The following ATP2B2 variants were observed in gnomAD, a reference collection of about 807,000 sequenced individuals.
The protein encoded by ATP2B2 is ATPase plasma membrane Ca2+ transporting 2.
In ATP2B2, 15 loss-of-function variants were observed where a neutral mutation model predicts 120.0. The observed-to-expected ratio is 0.12, with a 90% confidence interval of 0.08 to 0.19. The LOEUF is 0.19. ATP2B2 is among the 10% of genes least tolerant of loss of function. ATP2B2 has a pLI of 1.00. For missense variants in ATP2B2, 1,045 were observed against 1,719.8 expected, an observed-to-expected ratio of 0.61 and a Z score of 6.94; for synonymous variants, 694 against 700.3, an observed-to-expected ratio of 0.99 and a Z score of 0.14.
chr3:10,417,752 T>A (rs1262616781), intron 2 of ATP2B2, among the ~76,000 whole-genome samples: 3 of 151,822 alleles, frequency 2.0e-5, no homozygotes, highest in African/African-American at 7.3e-5. Flanking sequence ...CTGGCAGAAG[T>A]GTAGTTGTAA....
chr3:10,624,540 C>A lies in ATP2B2; in HGVS notation c.-459-4579G>T, dbSNP rs1373796140. Among the ~76,000 whole-genome samples the A allele has an allele frequency of 4.1e-4, 62 of 152,160 alleles. 1 individual carries two copies. The highest frequency in any genetic ancestry group is 4.1e-3 in the Admixed American group (62 of 15,270). Reference sequence around the variant, plus strand: ...TCAGCGCCTGAAATGTCACTGTGTGCTCAATCAATGTTTTTGAACACAGGG... The same window carrying A: ...TCAGCGCCTGAAATGTCACTGTGTGATCAATCAATGTTTTTGAACACAGGG... On this transcript the variant is annotated intron_variant, in intron 1 of 21. Transcript: ENST00000646379.
At chr3:10,357,916 CT>C (rs1048428147) in intron 14 of ATP2B2, among the ~76,000 whole-genome samples, 4 of 152,218 alleles carry the variant, frequency 2.6e-5, no homozygotes, top group African/African-American at 9.6e-5. Context: ...CCATCCTCCC[CT>C]GACCCCGGCA....
At chr3:10,378,747 C>G (rs1026499311) in intron 9 of ATP2B2, among the ~76,000 whole-genome samples, 2 of 152,204 alleles carry the variant, frequency 1.3e-5, no homozygotes, top group Non-Finnish European at 2.9e-5. Flanking sequence ...TCAGACAAGA[C>G]AGACAGGCTT....
chr3:10,455,777 A>G (rs929629792), intron 1 of ATP2B2, among the ~76,000 whole-genome samples: 1 of 152,198 alleles, frequency 6.6e-6, no homozygotes, highest in African/African-American at 2.4e-5. Context: ...GACAAAGCCC[A>G]GTGAGAATCT....
chr3:10,644,299 G>T (rs1269180211), intron 1 of ATP2B2, among the ~76,000 whole-genome samples: 1 of 152,208 alleles, frequency 6.6e-6, no homozygotes, highest in Non-Finnish European at 1.5e-5. Context: ...TGGAACCCTT[G>T]TACGTTGTTG....
intron 2 of ATP2B2, among the ~76,000 whole-genome samples, chr3:10,442,312 G>A (rs962764949): frequency 6.6e-6 from 1 of 152,122 alleles, no homozygotes; most frequent in Non-Finnish European, 1.5e-5. Flanking sequence ...TCGCTCACGG[G>A]ACATGAAGAC....
At chr3:10,667,800 CA>C (rs1351861898) in intron 1 of ATP2B2, among the ~76,000 whole-genome samples, 3 of 152,134 alleles carry the variant, frequency 2.0e-5, no homozygotes, top group Non-Finnish European at 4.4e-5. Flanking sequence ...GACAGGCAGA[CA>C]CGAACTGGTG....
chr3:10,652,836 C>T (rs111403782), intron 1 of ATP2B2, among the ~76,000 whole-genome samples: 1,621 of 152,214 alleles, frequency 0.011, 28 homozygotes, highest in African/African-American at 0.036. Flanking sequence ...TGAAATAAGC[C>T]GGTCGCAAGA....
intron 5 of ATP2B2, among the ~76,000 whole-genome samples, chr3:10,389,695 A>G (rs1031755618): frequency 6.6e-6 from 1 of 152,234 alleles, no homozygotes; most frequent in African/African-American, 2.4e-5. Context: ...TGGTTGCACA[A>G]AAACGTGAAG....
intron 5 of ATP2B2, among the ~76,000 whole-genome samples, chr3:10,399,323 C>T (rs111673413): frequency 2.0e-5 from 3 of 152,170 alleles, no homozygotes; most frequent in Non-Finnish European, 2.9e-5. Context: ...AGTGAGACCC[C>T]GGGGGCTTTG....
intron 3 of ATP2B2, among the ~76,000 whole-genome samples, chr3:10,511,062 C>T (rs1185292334): frequency 6.6e-6 from 1 of 152,160 alleles, no homozygotes; most frequent in African/African-American, 2.4e-5. Context: ...CAGACTGCTC[C>T]CATTACCCTC....
chr3:10,424,845 C>T (rs1449455068), intron 2 of ATP2B2, among the ~76,000 whole-genome samples: 3 of 152,054 alleles, frequency 2.0e-5, no homozygotes, highest in Non-Finnish European at 1.5e-5. Flanking sequence ...CTCTACAAAA[C>T]AATAGTCTAT....
At chr3:10,595,064 C>A (rs1474448004) in intron 2 of ATP2B2, among the ~76,000 whole-genome samples, 2 of 152,364 alleles carry the variant, frequency 1.3e-5, no homozygotes, top group African/African-American at 2.4e-5. Flanking sequence ...GAGCCCCCAG[C>A]TGATCAGGAC....
At chr3:10,552,122 C>T (rs1575488572) in intron 2 of ATP2B2, among the ~76,000 whole-genome samples, 1 of 152,224 alleles carries the variant, frequency 6.6e-6, no homozygotes, top group Non-Finnish European at 1.5e-5. Flanking sequence ...AGCATTTCTG[C>T]AGCCGGAGAG....
chr3:10,590,650 T>C (rs527684261), intron 2 of ATP2B2, among the ~76,000 whole-genome samples: 1 of 152,336 alleles, frequency 6.6e-6, no homozygotes, highest in African/African-American at 2.4e-5. Context: ...CTGCTCTCAG[T>C]GGCCACCCAG....
chr3:10,451,183 G>C (rs2064032779), intron 1 of ATP2B2, among the ~76,000 whole-genome samples: 1 of 152,248 alleles, frequency 6.6e-6, no homozygotes, highest in African/African-American at 2.4e-5. Flanking sequence ...GTGCTGAGGA[G>C]TGCAGAAGGA....
chr3:10,669,950 A>T (rs1398428756), intron 1 of ATP2B2, among the ~76,000 whole-genome samples: 1 of 152,214 alleles, frequency 6.6e-6, no homozygotes. Context: ...GCCATAGAGA[A>T]AATGGTATTC....
chr3:10,662,027 C>T lies in ATP2B2; in HGVS notation c.-459-42066G>A, dbSNP rs564561881. Among the ~76,000 whole-genome samples, 105 of 152,054 alleles carry T rather than the reference C, an allele frequency of 6.9e-4. 1 individual carries two copies. The South Asian group carries it at 7.9e-3, about 11-fold the overall frequency. On this transcript the variant is annotated intron_variant, in intron 1 of 21. Coordinates refer to the ATP2B2 transcript ENST00000646379. Reference sequence around the variant, plus strand: ...GGATTCCCTATTTAATAAATGGTGCCGGGAAAACTGGCTAGCCATATGTAG... The same window carrying T: ...GGATTCCCTATTTAATAAATGGTGCTGGGAAAACTGGCTAGCCATATGTAG...
chr3:10,424,224 C>G (rs1302370269), intron 2 of ATP2B2, among the ~76,000 whole-genome samples: 1 of 152,186 alleles, frequency 6.6e-6, no homozygotes, highest in Admixed American at 6.5e-5. Flanking sequence ...ATTTTACGGA[C>G]AGACGGACTG....
Sources: gnomAD v4.1 joint callset for allele counts (sites outside exome capture counted in the v4.1 genomes callset) on GRCh38, gnomAD v4.1.1 for gene constraint, MANE v1.5 for transcripts, NCBI Gene and HGNC (gene_info 2026-07-23, HGNC 2026-07-21) for gene names.